Variants in CLCF1 observed in about 807,000 individuals in gnomAD.
CLCF1 encodes the protein cardiotrophin-like cytokine factor 1.
CLCF1 carries 10 observed loss-of-function variants against 21.2 expected under a neutral mutation model. That is an observed-to-expected ratio of 0.47 (90% confidence interval 0.29 to 0.80). The LOEUF (loss-of-function observed/expected upper bound fraction) is 0.80, where lower values mean the gene tolerates loss of function less well. Among genes scored for constraint, CLCF1 ranks in the 30% least tolerant of loss-of-function variants. CLCF1 has a pLI of 0.09. For missense variants in CLCF1, 240 were observed against 293.4 expected (o/e 0.82, Z 1.33); for synonymous variants, 115 against 120.5 (o/e 0.95, Z 0.30).
intron 2 of CLCF1, 30 bp downstream of exon 2, chr11:67,367,430 A>G: frequency 6.2e-7 from 1 of 1,614,036 alleles, no homozygotes; most frequent in Non-Finnish European, 8.5e-7. Flanking sequence ...ACTCCTCCCC[A>G]ACTCCCAGAT....
Position 67,373,323 on chromosome 11 carries a change from G to C in CLCF1, c.16+201C>G, listed in dbSNP as rs1222633303. ...TCCCCGCCGCTCCCGGCCACCTCCTGGCCCCGCCGTGCGGACTCCAGGAAT... is the reference window on the plus strand; with the variant it reads ...TCCCCGCCGCTCCCGGCCACCTCCTCGCCCCGCCGTGCGGACTCCAGGAAT... On this transcript the variant is annotated intron_variant, in intron 1 of 2. Transcript: ENST00000312438. 2.6e-5 allele frequency among the ~76,000 whole-genome samples: 4 copies of C among 151,994 alleles called. No homozygotes were observed. The East Asian group carries it at 5.8e-4, about 22-fold the overall frequency.
chr11:67,373,985 G>A (rs1862293154), upstream of CLCF1: 1 of 846,984 alleles, frequency 1.2e-6, no homozygotes, highest in African/African-American at 6.1e-5. Flanking sequence ...CCAGGCGTTG[G>A]CCTGGGACAC....
intron 1 of CLCF1, chr11:67,370,003 T>G (rs2134891299): frequency 1.0e-6 from 1 of 985,200 alleles, no homozygotes; most frequent in Non-Finnish European, 1.2e-6. Context: ...AACTGTGTCG[T>G]TGCAGGCTGC....
At position 67,373,517 on chromosome 11, in the gene CLCF1, C is replaced by T. The variant is rs1372262717; in HGVS notation, c.16+7G>A. The T allele has an allele frequency of 7.1e-7, 1 of 1,408,004 alleles. No homozygotes were observed. The highest frequency in any genetic ancestry group is 9.4e-7 in the Non-Finnish European group (1 of 1,068,860). The allele number at this position is 1,408,004 out of a possible 1,614,324, so 87.2% of individuals were successfully genotyped here. A position where few individuals can be genotyped will look rare whatever the true frequency, so the allele number is the denominator to read the frequency against. ...GGGGGTCGGGGCCTCGGCCGCCTGG[C>T]TCCTACCTGCTCGGAGGTCCATGGG... is the stretch of plus-strand genomic sequence containing the variant. On this transcript the variant is annotated splice_region_variant and intron_variant, in intron 1 of 2. Transcript: ENST00000312438.
At chr11:67,370,185 T>C (rs1862198513) in intron 1 of CLCF1, 2 of 985,264 alleles carry the variant, frequency 2.0e-6, no homozygotes, top group African/African-American at 3.5e-5. Context: ...GCCATGCCCG[T>C]GTCTCAGGCA....
At chr11:67,370,962 G>A (rs980060301) in intron 1 of CLCF1, 1 of 985,360 alleles carries the variant, frequency 1.0e-6, no homozygotes, top group African/African-American at 1.7e-5. Flanking sequence ...CTGAATATGG[G>A]AGCCAGGAGG....
Position 67,366,368 on chromosome 11 carries a change from C to G in CLCF1, c.184-738G>C, listed in dbSNP as rs1419230130. 4.6e-5 allele frequency among the ~76,000 whole-genome samples: 7 copies of G among 152,122 alleles called. No homozygotes were observed. In the East Asian group the frequency reaches 1.2e-3, roughly 25 times the overall value. On this transcript the variant is annotated intron_variant, in intron 2 of 2. Transcript: ENST00000312438. ...AGAGTGGCCCATTGGAACCAGAGCC[C>G]CATTTGCCGCTGACACACCCAGGCC...
rs933652492 is a variant in CLCF1 at position 67,367,930 on chromosome 11, A to C, written c.17-304T>G. 4.1e-6 allele frequency: 4 copies of C among 984,968 alleles called. No individual in the cohort carries two copies. In the African/African-American group the frequency reaches 7.0e-5, roughly 17 times the overall value. 61.0% of individuals were successfully genotyped at this position (984,968 alleles called of 1,614,324 possible). ...CATGTGTGCCACTGTGTGTGTGCCA[A>C]CATGTATATGTGTGTACATGGAGGG... On this transcript the variant is annotated intron_variant, in intron 1 of 2. Coordinates refer to ENST00000312438, the MANE Select transcript of CLCF1 (RefSeq NM_013246.3).
intron 1 of CLCF1, chr11:67,369,074 C>A (rs1392213027): frequency 2.0e-6 from 2 of 984,926 alleles, no homozygotes; most frequent in Non-Finnish European, 2.4e-6. Context: ...GATTTGGATT[C>A]AAGAAAGAAT....
intron 1 of CLCF1, chr11:67,370,027 G>A: frequency 1.0e-6 from 1 of 985,392 alleles, no homozygotes; most frequent in Non-Finnish European, 1.2e-6. Context: ...TGGGGGGCAG[G>A]GGAGAACAGA....
At chr11:67,367,243 C>T (rs527304924) in intron 2 of CLCF1, among the ~76,000 whole-genome samples, 23 of 152,192 alleles carry the variant, frequency 1.5e-4, no homozygotes, top group Non-Finnish European at 2.6e-4. Flanking sequence ...AAGGCGGGTG[C>T]GAGGCCTGCC....
rs1042950599 is a variant in CLCF1, at chr11:67,369,700, A to G, written c.17-2074T>C. ...AGTTAGTGGCGAGACCAAGGGTCCC[A>G]ACTGAAGCCGGAGCTGGGAGCTAGG... On this transcript the variant is annotated intron_variant, in intron 1 of 2. Coordinates refer to ENST00000312438, the MANE Select transcript of CLCF1 (RefSeq NM_013246.3). 2.7e-5 allele frequency: 27 copies of G among 985,346 alleles called. No individual in the cohort carries two copies. In the African/African-American group the frequency reaches 4.5e-4, roughly 17 times the overall value. The allele number at this position is 985,346 out of a possible 1,614,324, so 61.0% of individuals were successfully genotyped here.
rs921708319 is a variant in CLCF1 at position 67,368,132 on chromosome 11, GGCC to G, written c.17-509_17-507del. 11 of 985,382 alleles carry G rather than the reference GGCC, an allele frequency of 1.1e-5. No individual in the cohort carries two copies. In the African/African-American group the frequency reaches 1.4e-4, roughly 12 times the overall value. The allele number at this position is 985,382 out of a possible 1,614,324, so 61.0% of individuals were successfully genotyped here. ...CTAAGGGAGGAAGCAGGAGAGAGGCGGCCGCCAAGAACAGACTCACCCATAGGA... is the reference window on the plus strand; with the variant it reads ...CTAAGGGAGGAAGCAGGAGAGAGGCGGCCAAGAACAGACTCACCCATAGGA... On this transcript the variant is annotated intron_variant, in intron 1 of 2. Transcript: ENST00000312438.
rs528927170 is a variant in CLCF1, at chr11:67,370,882, A to G, written c.16+2642T>C. The stretch of plus-strand genomic sequence containing the variant: ...TATAAGAGCTACGCTAAGAACTGTA[A>G]GCCCTAAATGTTGCAGCCAGGGAGG... On this transcript the variant is annotated intron_variant, in intron 1 of 2. Coordinates refer to ENST00000312438, the MANE Select transcript of CLCF1 (RefSeq NM_013246.3). 4.1e-6 allele frequency: 4 copies of G among 985,418 alleles called. No homozygotes were observed. In the African/African-American group the frequency reaches 5.2e-5, roughly 13 times the overall value. 61.0% of individuals were successfully genotyped at this position (985,418 alleles called of 1,614,324 possible). A position where few individuals can be genotyped will look rare whatever the true frequency, so the allele number is the denominator to read the frequency against.
chr11:67,370,541 C>T (rs544256000), intron 1 of CLCF1: 2 of 931,586 alleles, frequency 2.1e-6, no homozygotes, highest in East Asian at 2.5e-4. Flanking sequence ...CCTGCAACAG[C>T]CCCCCACCCC....
rs1179841076 is a variant in CLCF1 at position 67,372,257 on chromosome 11, C to G, written c.16+1267G>C. On this transcript the variant is annotated intron_variant, in intron 1 of 2. Transcript: ENST00000312438. The surrounding 1 kb of genome is among the most constrained non-coding windows in gnomAD (Gnocchi z 5.9). The stretch of plus-strand genomic sequence containing the variant: ...TCCACCCGCCCGTCTCCCCTCCTCT[C>G]CTGGTAGCCCCTCACACCCCGGGGG... Among the ~76,000 whole-genome samples, 1 of 152,064 alleles carries G rather than the reference C, an allele frequency of 6.6e-6. No individual in the cohort carries two copies. The highest frequency in any genetic ancestry group is 2.4e-5 in the African/African-American group (1 of 41,414).
Position 67,365,427 on chromosome 11 carries a change from C to T in CLCF1, c.387G>A (p.Leu129=), listed in dbSNP as rs745851012. 2 of 1,613,660 alleles carry T rather than the reference C, an allele frequency of 1.2e-6. No homozygotes were observed. Among genetic ancestry groups the T allele is most frequent in the African/African-American group, 2.7e-5 (2 of 74,952 alleles). ...TGCAGAAGTGGGCCAGGCTGCGGCG[C>T]AGCTCAGCAGTGGCAGCCTGACGGT... ...GLNRQAATAE[L]RRSLAHFCTS... The change falls in exon 3 of 3, where the codon CTG becomes CTA. Residue 129 remains leucine, a synonymous_variant. Transcript: ENST00000312438. This position sits in a 1 kb window ranked among gnomAD's most constrained non-coding sequence, Gnocchi z 5.0.
rs896978161 is a variant in CLCF1, at chr11:67,364,655, T to C, written c.*481A>G. ...CTCTTTTTGTGTAGAATTGCCACCA[T>C]GTTTGTTTCCTGAATTGGATGTATA... On this transcript the variant is annotated 3_prime_UTR_variant, in exon 3 of 3. Coordinates refer to ENST00000312438, the MANE Select transcript of CLCF1 (RefSeq NM_013246.3). The C allele has an allele frequency of 1.7e-5, 3 of 178,488 alleles. No homozygotes were observed. The highest frequency in any genetic ancestry group is 2.4e-5 in the Non-Finnish European group (2 of 83,076). 11.1% of individuals were successfully genotyped at this position (178,488 alleles called of 1,614,324 possible).
In CLCF1 at chr11:67,365,696, A is replaced by G. The variant is rs1590912656; in HGVS notation, c.184-66T>C. The G allele has an allele frequency of 3.9e-6, 6 of 1,521,842 alleles. No individual in the cohort carries two copies. In the East Asian group the frequency reaches 1.4e-4, roughly 35 times the overall value. The allele number at this position is 1,521,842 out of a possible 1,614,324, so 94.3% of individuals were successfully genotyped here. A position where few individuals can be genotyped will look rare whatever the true frequency, so the allele number is the denominator to read the frequency against. ...GCCGCTGGCTCACCACCAAGGAGATACCTGCTCCCAAAGTTTCTATTTTTT... is the reference window on the plus strand; with the variant it reads ...GCCGCTGGCTCACCACCAAGGAGATGCCTGCTCCCAAAGTTTCTATTTTTT... On this transcript the variant is annotated intron_variant, in intron 2 of 2. Coordinates refer to ENST00000312438, the MANE Select transcript of CLCF1 (RefSeq NM_013246.3). This position sits in a 1 kb window ranked among gnomAD's most constrained non-coding sequence, Gnocchi z 5.0.
Sources: gnomAD v4.1 joint callset for allele counts (sites outside exome capture counted in the v4.1 genomes callset) on GRCh38, gnomAD v4.1.1 for gene constraint, Gnocchi (gnomAD v3.1) non-coding constraint, MANE v1.5 for transcripts, NCBI Gene and HGNC (gene_info 2026-07-23, HGNC 2026-07-21) for gene names.